The following ZFHX3 variants were observed in gnomAD, a reference collection of about 807,000 sequenced individuals.
ZFHX3 encodes zinc finger homeobox protein 3.
ZFHX3 carries 42 observed loss-of-function variants against 279.1 expected under a neutral mutation model. The ratio of observed to expected loss-of-function variants is 0.15; its 90% CI spans 0.12 to 0.19. ZFHX3 has a LOEUF of 0.19. Among genes scored for constraint, ZFHX3 ranks in the 10% least tolerant of loss-of-function variants. The pLI is 1.00. For missense variants in ZFHX3, 4,981 were observed against 4,754.0 expected (o/e 1.05, Z -1.40); for synonymous variants, 2,293 against 1,957.8 (o/e 1.17, Z -4.52).
chr16:73,056,210 C>G (rs1324366453), intron 1 of ZFHX3, among the ~76,000 whole-genome samples: 1 of 152,166 alleles, frequency 6.6e-6, no homozygotes, highest in Admixed American at 6.5e-5. Flanking sequence ...TAGACTATTT[C>G]AAAATCATCT....
intron 3 of ZFHX3, among the ~76,000 whole-genome samples, chr16:73,384,161 A>G (rs2016860532): frequency 6.6e-6 from 1 of 152,226 alleles, no homozygotes; most frequent in African/African-American, 2.4e-5. Context: ...ACTGCAGCCC[A>G]AGGACCAAAT....
At chr16:73,449,749 T>C (rs2018251068) in intron 3 of ZFHX3, among the ~76,000 whole-genome samples, 1 of 152,170 alleles carries the variant, frequency 6.6e-6, no homozygotes, top group Non-Finnish European at 1.5e-5. Context: ...TGTGCTAATT[T>C]TCTCATCTTT....
chr16:73,771,435 T>C (rs2054016675), intron 1 of ZFHX3, among the ~76,000 whole-genome samples: 1 of 152,160 alleles, frequency 6.6e-6, no homozygotes, highest in African/African-American at 2.4e-5. Flanking sequence ...AATGAGGTCA[T>C]ACCACATGAA....
chr16:73,239,391 G>T (rs1228976976), intron 5 of ZFHX3, among the ~76,000 whole-genome samples: 1 of 152,216 alleles, frequency 6.6e-6, no homozygotes, highest in Non-Finnish European at 1.5e-5. Flanking sequence ...AACTTCCTTT[G>T]CAGAGTTCCT....
chr16:73,699,568 A>C (rs1431493108), intron 1 of ZFHX3, among the ~76,000 whole-genome samples: 1 of 152,240 alleles, frequency 6.6e-6, no homozygotes, highest in Non-Finnish European at 1.5e-5. Context: ...CATATTCTGT[A>C]TTTAAGAAAA....
chr16:73,572,729 C>A (rs190447848), intron 2 of ZFHX3, among the ~76,000 whole-genome samples: 1 of 152,276 alleles, frequency 6.6e-6, no homozygotes, highest in East Asian at 1.9e-4. Flanking sequence ...GCAAGGCAGA[C>A]AGATGTGTGG....
chr16:72,959,534 G>A lies in ZFHX3; in HGVS notation c.612C>T (p.Phe204=), dbSNP rs201737729. Residue 204 remains phenylalanine, a synonymous_variant, in exon 2 of 10, where the codon TTC becomes TTT. Transcript: ENST00000268489. ...GGTCTGGGCCCTCAAACCATTTCCC[G>A]AAGGATGAGGCTATGTGGAAAGTGT... ...IINTFHIASS[F]GKWFEGPDQA... The A allele has an allele frequency of 2.4e-5, 38 of 1,614,132 alleles. 1 individual carries two copies. The highest frequency in any genetic ancestry group is 1.1e-4 in the South Asian group (10 of 91,094).
At chr16:73,625,738 C>T (rs2052409057) in intron 2 of ZFHX3, among the ~76,000 whole-genome samples, 1 of 152,218 alleles carries the variant, frequency 6.6e-6, no homozygotes, top group Admixed American at 6.5e-5. Flanking sequence ...GGGTGGGGCC[C>T]AGGAATCTGC....
chr16:73,709,391 AAAAAG>A (rs1308841820), intron 1 of ZFHX3, among the ~76,000 whole-genome samples: 8 of 152,214 alleles, frequency 5.3e-5, no homozygotes, highest in Non-Finnish European at 5.9e-5. Context: ...TCTCTTAAAA[AAAAAG>A]AAAAGAAAAA....
intron 4 of ZFHX3, among the ~76,000 whole-genome samples, chr16:73,270,606 G>A (rs2014116964): frequency 1.3e-5 from 2 of 152,162 alleles, no homozygotes; most frequent in Admixed American, 6.5e-5. Flanking sequence ...TCTAGTGGGA[G>A]GTGTTAGAAC....
At chr16:73,859,352 C>T (rs1030456262) in intron 1 of ZFHX3, among the ~76,000 whole-genome samples, 1 of 152,160 alleles carries the variant, frequency 6.6e-6, no homozygotes, top group Non-Finnish European at 1.5e-5. Context: ...GATGATGATC[C>T]ATTTCAAACC....
At chr16:73,423,046 G>C (rs1555515618) in intron 3 of ZFHX3, among the ~76,000 whole-genome samples, 2 of 152,056 alleles carry the variant, frequency 1.3e-5, no homozygotes, top group Non-Finnish European at 2.9e-5. Flanking sequence ...TTTCTTATAA[G>C]AATCCCAGTC....
intron 2 of ZFHX3, among the ~76,000 whole-genome samples, chr16:73,507,071 A>T (rs1167894296): frequency 6.6e-6 from 1 of 151,750 alleles, no homozygotes; most frequent in East Asian, 1.9e-4. Context: ...TTCTACTGAC[A>T]CTCTTGGGAC....
intron 2 of ZFHX3, among the ~76,000 whole-genome samples, chr16:73,529,936 G>GT (rs1567510717): frequency 3.3e-5 from 5 of 151,358 alleles, no homozygotes; most frequent in East Asian, 1.9e-4. Flanking sequence ...AAGTATTTTG[G>GT]GTGTGTGTGT....
intron 1 of ZFHX3, among the ~76,000 whole-genome samples, chr16:72,999,970 C>T (rs11075958): frequency 0.14 from 20,610 of 152,220 alleles, 1,934 homozygotes; most frequent in Non-Finnish European, 0.21. Context: ...TCTGGCTTGT[C>T]GCTTTGGCTG....
intron 5 of ZFHX3, among the ~76,000 whole-genome samples, chr16:73,174,635 C>A (rs1445420979): frequency 1.3e-5 from 2 of 152,010 alleles, no homozygotes; most frequent in Non-Finnish European, 2.9e-5. Flanking sequence ...TTGCTGGAAA[C>A]CTGTAATGCC....
chr16:73,726,228 A>G (rs2053517444), intron 1 of ZFHX3, among the ~76,000 whole-genome samples: 1 of 152,206 alleles, frequency 6.6e-6, no homozygotes, highest in Admixed American at 6.5e-5. Flanking sequence ...CTTCCAACAC[A>G]GTGGGGCTGG....
intron 1 of ZFHX3, among the ~76,000 whole-genome samples, chr16:73,760,548 A>G (rs898296947): frequency 3.9e-5 from 6 of 152,092 alleles, no homozygotes; most frequent in African/African-American, 7.2e-5. Flanking sequence ...CTTCAGACCA[A>G]TATGAACATC....
intron 1 of ZFHX3, among the ~76,000 whole-genome samples, chr16:72,962,803 G>T (rs372167474): frequency 6.6e-6 from 1 of 152,076 alleles, no homozygotes; most frequent in Non-Finnish European, 1.5e-5. Flanking sequence ...CTTGGTACCT[G>T]TATTGCTAGG....
Sources: gnomAD v4.1 joint callset for allele counts (sites outside exome capture counted in the v4.1 genomes callset) on GRCh38, gnomAD v4.1.1 for gene constraint, MANE v1.5 for transcripts, NCBI Gene and HGNC (gene_info 2026-07-23, HGNC 2026-07-21) for gene names.